KIF13B: variants seen among roughly 807,000 people sequenced by gnomAD.
The protein encoded by KIF13B is kinesin-like protein KIF13B.
Under a neutral mutation model 222.0 loss-of-function variants are expected in KIF13B, and 127 were observed. The ratio of observed to expected loss-of-function variants is 0.57; its 90% CI spans 0.50 to 0.66. The LOEUF (loss-of-function observed/expected upper bound fraction) is 0.66. Ranked by LOEUF, KIF13B falls within the 30% of genes least tolerant of loss-of-function variation. KIF13B has a pLI of 0.00. For missense variants in KIF13B, 2,173 were observed against 2,379.0 expected, an observed-to-expected ratio of 0.91 and a Z score of 1.80; for synonymous variants, 976 against 919.0, an observed-to-expected ratio of 1.06 and a Z score of -1.12.
Position 29,099,192 on chromosome 8 carries a change from CCT to C in KIF13B, c.4263_4264del (p.Gly1422AsnfsTer14). The C allele has an allele frequency of 6.2e-7, 1 of 1,613,576 alleles. No individual in the cohort carries two copies. The highest frequency in any genetic ancestry group is 8.5e-7 in the Non-Finnish European group (1 of 1,179,714). ...AGAGAGGGCGGGGGCAGGAGCTATT[CCT>C]CTGGAAACTGTGGTTTGGGATACAT... On this transcript the variant is annotated frameshift_variant, in exon 36 of 40. Transcript: ENST00000524189. LOFTEE classifies it high-confidence loss of function.
At position 29,167,475 on chromosome 8, in the gene KIF13B, G is replaced by A; in HGVS notation, c.1056C>T (p.His352=). The A allele has an allele frequency of 6.2e-7, 1 of 1,613,982 alleles. No homozygotes were observed. Among genetic ancestry groups the A allele is most frequent in the Non-Finnish European group, 8.5e-7 (1 of 1,179,876 alleles). The change falls in exon 11 of 40, where the codon CAC becomes CAT. Residue 352 remains histidine (H), a synonymous_variant. Transcript: ENST00000524189. ...CATTCACCACAGCGTGGTTTACAATGTGCTTGGCTCGATCTGCATACCGCA... is the reference window on the plus strand; with the variant it reads ...CATTCACCACAGCGTGGTTTACAATATGCTTGGCTCGATCTGCATACCGCA... The part of the protein sequence containing the change: ...STLRYADRAK[H]IVNHAVVNED...
chr8:29,115,467 C>T (rs1388116722), intron 31 of KIF13B, among the ~76,000 whole-genome samples: 1 of 151,934 alleles, frequency 6.6e-6, no homozygotes, highest in Admixed American at 6.6e-5. Context: ...GCTGAGATTG[C>T]AGGCACCCAC....
intron 31 of KIF13B, among the ~76,000 whole-genome samples, chr8:29,114,252 A>C (rs138109976): frequency 1.3e-5 from 2 of 152,352 alleles, no homozygotes; most frequent in East Asian, 3.9e-4. Context: ...TGCAACAGGA[A>C]TGGCAGAAAC....
At chr8:29,210,584 T>A (rs1290941854) in intron 2 of KIF13B, among the ~76,000 whole-genome samples, 3 of 152,224 alleles carry the variant, frequency 2.0e-5, no homozygotes, top group African/African-American at 7.2e-5. Flanking sequence ...CAGATGACAT[T>A]TGTTTCAATA....
chr8:29,106,753 C>T (rs759337923), intron 35 of KIF13B, among the ~76,000 whole-genome samples: 4 of 145,678 alleles, frequency 2.7e-5, no homozygotes, highest in Non-Finnish European at 6.0e-5. Flanking sequence ...GAATAATTAA[C>T]AATTGGAATA....
chr8:29,196,208 C>T lies in KIF13B; in HGVS notation c.150-9G>A, dbSNP rs756335003. 8.3e-5 allele frequency: 130 copies of T among 1,557,910 alleles called. 1 individual carries two copies. The highest frequency in any genetic ancestry group is 5.0e-4 in the Middle Eastern group (3 of 5,986). ...TTACCTTCGGCTGGCCCCTGAGCTC[C>T]CAAAACAGATGTCATCATTGACGTG... is the stretch of plus-strand genomic sequence containing the variant. On this transcript the variant is annotated splice_polypyrimidine_tract_variant and intron_variant, in intron 2 of 39. Transcript: ENST00000524189.
intron 36 of KIF13B, among the ~76,000 whole-genome samples, chr8:29,095,974 T>G (rs1358443180): frequency 8.4e-6 from 1 of 118,856 alleles, no homozygotes; most frequent in African/African-American, 2.8e-5. Context: ...TGTTTTTTTT[T>G]GTTTGTTTTT....
Position 29,116,918 on chromosome 8 carries a change from G to C in KIF13B, c.3750C>G (p.Ile1250Met). ...GGCTGAGCTGGACCGTCACGCGCACGATCAGGAACAACCGCTCGTCCACGG... is the reference window on the plus strand; with the variant it reads ...GGCTGAGCTGGACCGTCACGCGCACCATCAGGAACAACCGCTCGTCCACGG... ...GTPVDERLFLIVRVTVQLSHP... is the reference protein window; with the variant it reads ...GTPVDERLFLMVRVTVQLSHP... Residue 1250 changes from isoleucine (I) to methionine (M), a missense_variant, in exon 31 of 40, where the codon ATC becomes ATG. By Grantham distance (10) the Ile-to-Met change is conservative (BLOSUM62 1). Around this residue, in one of 2 missense-constraint regions of KIF13B, gnomAD observed 1,480 missense variants for 1,722.8 expected, o/e 0.86. Transcript: ENST00000524189. 2 of 1,612,836 alleles carry C rather than the reference G, an allele frequency of 1.2e-6. No homozygotes were observed. Among genetic ancestry groups the C allele is most frequent in the Non-Finnish European group, 1.7e-6 (2 of 1,179,246 alleles).
At position 29,114,076 on chromosome 8, in the gene KIF13B, G is replaced by A. The variant is rs118176216; in HGVS notation, c.3838-521C>T. ...TTATGCTGACTGCGCTCTTTGCACA[G>A]TTAGGAATTGAACTGTTGAATTAAT... On this transcript the variant is annotated intron_variant, in intron 31 of 39. Transcript: ENST00000524189. Among the ~76,000 whole-genome samples the A allele has an allele frequency of 1.4e-4, 21 of 152,314 alleles. No homozygotes were observed. The East Asian group carries it at 3.9e-3, about 28-fold the overall frequency.
At chr8:29,080,724 C>G (rs1197408458) in intron 37 of KIF13B, among the ~76,000 whole-genome samples, 1 of 152,214 alleles carries the variant, frequency 6.6e-6, no homozygotes, top group Non-Finnish European at 1.5e-5. Flanking sequence ...ATGATCCCAT[C>G]TACATGAGTT....
At chr8:29,167,117 C>T (rs376342089) in intron 11 of KIF13B, among the ~76,000 whole-genome samples, 3 of 152,262 alleles carry the variant, frequency 2.0e-5, no homozygotes, top group African/African-American at 4.8e-5. Context: ...TTTTGTCTGC[C>T]GCCTGAATAG....
intron 2 of KIF13B, among the ~76,000 whole-genome samples, chr8:29,205,362 T>G (rs149129052): frequency 6.6e-6 from 1 of 152,246 alleles, no homozygotes; most frequent in Non-Finnish European, 1.5e-5. Flanking sequence ...CAGCAACAGG[T>G]AGATCTGAAC....
chr8:29,141,084 A>G (rs1346646241), intron 19 of KIF13B, among the ~76,000 whole-genome samples: 2 of 151,952 alleles, frequency 1.3e-5, no homozygotes, highest in African/African-American at 2.4e-5. Flanking sequence ...CTATAATCCC[A>G]GCACTTTGGG....
rs2133463450 is a variant in KIF13B, at chr8:29,071,433, T to A, written c.5218+187A>T. On this transcript the variant is annotated intron_variant, in intron 39 of 39. Coordinates refer to ENST00000524189, the MANE Select transcript of KIF13B (RefSeq NM_015254.4). This position sits in a 1 kb window ranked among gnomAD's most constrained non-coding sequence, Gnocchi z 4.9. ...AAATCATCAGGAATTTTCCATGTCG[T>A]CTCCAGGGACTAGCCCTGCCCCCAG... Among the ~76,000 whole-genome samples, 1 of 152,064 alleles carries A rather than the reference T, an allele frequency of 6.6e-6. No homozygotes were observed. The highest frequency in any genetic ancestry group is 1.9e-4 in the East Asian group (1 of 5,138).
At chr8:29,149,270 C>G (rs937315075) in intron 15 of KIF13B, among the ~76,000 whole-genome samples, 2 of 152,184 alleles carry the variant, frequency 1.3e-5, no homozygotes, top group Non-Finnish European at 2.9e-5. Flanking sequence ...GCAGTTTACA[C>G]GTCATTTAAT....
intron 35 of KIF13B, 145 bp from the exon 36 acceptor site, chr8:29,099,386 T>G: frequency 1.6e-6 from 1 of 619,898 alleles, no homozygotes; most frequent in South Asian, 2.1e-5. Context: ...ACTTTTTTTT[T>G]CTATTTTAAG....
chr8:29,101,134 C>T (rs564296227), intron 35 of KIF13B, among the ~76,000 whole-genome samples: 6 of 152,270 alleles, frequency 3.9e-5, no homozygotes, highest in African/African-American at 9.6e-5. Context: ...GATTTACATA[C>T]TTGAATGTTT....
intron 12 of KIF13B, among the ~76,000 whole-genome samples, chr8:29,164,114 T>C (rs147852766): frequency 8.0e-4 from 122 of 152,360 alleles, no homozygotes; most frequent in African/African-American, 2.6e-3. Context: ...TAGTATACTC[T>C]TCTCTAATTT....
In KIF13B at chr8:29,150,297, CT is replaced by C; in HGVS notation, c.1621del (p.Arg541AspfsTer22). ...RILWGNNHFFRLNLPKKKKKA... is the reference protein window; with the variant it reads ...RILWGNNHFFXLNLPKKKKKA... The stretch of plus-strand genomic sequence containing the variant: ...TTAAGGGACATGAACAACATCATAC[CT>C]GAAGAAATGATTGTTTCCCCATAAT... On this transcript the variant is annotated frameshift_variant and splice_region_variant, in exon 15 of 40. Coordinates refer to ENST00000524189, the MANE Select transcript of KIF13B (RefSeq NM_015254.4). LOFTEE classifies it high-confidence loss of function. 1 of 1,536,432 alleles carries C rather than the reference CT, an allele frequency of 6.5e-7. No individual in the cohort carries two copies.
Sources: allele counts gnomAD v4.1 joint callset (sites outside exome capture counted in the v4.1 genomes callset), GRCh38; gene constraint gnomAD v4.1.1; regional missense constraint gnomAD v4.1.1; non-coding constraint Gnocchi (gnomAD v3.1); transcripts MANE v1.5; gene names NCBI Gene and HGNC (gene_info 2026-07-23, HGNC 2026-07-21).